Variants in PATJ observed in about 807,000 individuals in gnomAD.
PATJ encodes the protein PATJ crumbs cell polarity complex component, also known as inaD-like protein.
A neutral mutation model predicts 224.9 loss-of-function variants in PATJ; 190 were observed. The observed-to-expected ratio is 0.84, with a 90% confidence interval of 0.75 to 0.95. The LOEUF is 0.95. PATJ is among the 40% of genes least tolerant of loss of function. The pLI is 0.00. For synonymous variants in PATJ, 769 were observed against 820.3 expected, an observed-to-expected ratio of 0.94 and a Z score of 1.07; for missense variants, 2,121 against 2,270.3, an observed-to-expected ratio of 0.93 and a Z score of 1.34.
chr1:62,024,017 G>T (rs1467159330), intron 29 of PATJ, among the ~76,000 whole-genome samples: 1 of 152,202 alleles, frequency 6.6e-6, no homozygotes, highest in Non-Finnish European at 1.5e-5. Flanking sequence ...ATTTGTGTGT[G>T]TTGAACCAGC....
intron 9 of PATJ, among the ~76,000 whole-genome samples, chr1:61,794,370 C>T (rs1650586782): frequency 6.6e-6 from 1 of 151,972 alleles, no homozygotes; most frequent in Non-Finnish European, 1.5e-5. Context: ...GCCTCAAAGT[C>T]CTGGGCTCAG....
chr1:61,936,994 G>A (rs763004798), intron 27 of PATJ, among the ~76,000 whole-genome samples: 23 of 152,036 alleles, frequency 1.5e-4, no homozygotes, highest in Non-Finnish European at 2.8e-4. Flanking sequence ...AATGCAATTC[G>A]GAACATAAAA....
At chr1:61,945,597 C>G (rs1335662173) in intron 27 of PATJ, among the ~76,000 whole-genome samples, 2 of 152,136 alleles carry the variant, frequency 1.3e-5, no homozygotes, top group Non-Finnish European at 2.9e-5. Flanking sequence ...TAGAGACCTA[C>G]AAAGAGACTT....
At chr1:61,954,438 C>A in intron 27 of PATJ, among the ~76,000 whole-genome samples, 1 of 152,064 alleles carries the variant, frequency 6.6e-6, no homozygotes, top group Non-Finnish European at 1.5e-5. Context: ...GCTTTGATTT[C>A]AGTAGTTTTA....
chr1:61,990,110 C>T (rs1644978423), intron 27 of PATJ, 58 bp from the exon 28 acceptor site: 1 of 1,216,654 alleles, frequency 8.2e-7, no homozygotes. Flanking sequence ...GAAATGCTGA[C>T]ATCTCAATAA....
intron 27 of PATJ, among the ~76,000 whole-genome samples, chr1:61,958,389 G>A (rs79114156): frequency 0.1 from 15,159 of 152,058 alleles, 1,025 homozygotes; most frequent in Non-Finnish European, 0.15. Flanking sequence ...AATGGTAGTG[G>A]CAAATACTAA....
intron 29 of PATJ, among the ~76,000 whole-genome samples, chr1:62,023,443 T>C (rs1286721403): frequency 6.6e-6 from 1 of 152,218 alleles, no homozygotes; most frequent in African/African-American, 2.4e-5. Flanking sequence ...CACCTACTTG[T>C]GTTAATGCTG....
chr1:62,154,643 C>A lies in PATJ; in HGVS notation c.5502+1162C>A, dbSNP rs1322427815. Among the ~76,000 whole-genome samples the A allele has an allele frequency of 6.7e-4, 73 of 109,590 alleles. 1 individual carries two copies. Among genetic ancestry groups the A allele is most frequent in the Admixed American group, 3.3e-3 (30 of 9,074 alleles). The allele number at this position is 109,590 out of a possible 152,430, so 71.9% of individuals were successfully genotyped here. On this transcript the variant is annotated intron_variant, in intron 43 of 43. Transcript: ENST00000642238. Reference sequence around the variant, plus strand: ...GCCACTACACTCCAGCCTGGGCAATCCATCTCAAAAAAAAAAAAAAGAAAA... The same window carrying A: ...GCCACTACACTCCAGCCTGGGCAATACATCTCAAAAAAAAAAAAAAGAAAA...
intron 27 of PATJ, among the ~76,000 whole-genome samples, chr1:61,985,518 T>G (rs1216978907): frequency 1.3e-5 from 2 of 152,110 alleles, no homozygotes; most frequent in African/African-American, 2.4e-5. Flanking sequence ...ACATTCACAT[T>G]GTACAACCAT....
At position 61,845,768 on chromosome 1, in the gene PATJ, G is replaced by A. The variant is rs531551478; in HGVS notation, c.2113-10262G>A. ...ATGAAGGGCATCCTGTGACTTTGACGTGGCTGTGTTGTCAGACAATCTCCC... is the reference window on the plus strand; with the variant it reads ...ATGAAGGGCATCCTGTGACTTTGACATGGCTGTGTTGTCAGACAATCTCCC... On this transcript the variant is annotated intron_variant, in intron 17 of 43. Coordinates refer to ENST00000642238, the MANE Select transcript of PATJ (RefSeq NM_001350145.3). Among the ~76,000 whole-genome samples, 16 of 152,262 alleles carry A rather than the reference G, an allele frequency of 1.1e-4. No homozygotes were observed. The East Asian group carries it at 1.5e-3, about 15-fold the overall frequency.
Position 61,766,474 on chromosome 1 carries a change from G to A in PATJ, c.384+1G>A. On this transcript the variant is annotated splice_donor_variant, in intron 4 of 43. Coordinates refer to ENST00000642238, the MANE Select transcript of PATJ (RefSeq NM_001350145.3). LOFTEE classifies it high-confidence loss of function. Reference sequence around the variant, plus strand: ...CTCAGTCATTCAACAGATGGCTCAGGTAAAGTTGTATCTTCTCATGGAAAT... The same window carrying A: ...CTCAGTCATTCAACAGATGGCTCAGATAAAGTTGTATCTTCTCATGGAAAT... 1 of 1,580,950 alleles carries A rather than the reference G, an allele frequency of 6.3e-7. No homozygotes were observed. Among genetic ancestry groups the A allele is most frequent in the Non-Finnish European group, 8.6e-7 (1 of 1,165,400 alleles).
chr1:62,056,635 G>T (rs184669344), intron 31 of PATJ, among the ~76,000 whole-genome samples: 3 of 152,258 alleles, frequency 2.0e-5, no homozygotes, highest in Admixed American at 2.0e-4. Context: ...ACAAAAATTG[G>T]CTGGGCGTGG....
At chr1:62,137,154 T>C (rs1666993206) in intron 41 of PATJ, among the ~76,000 whole-genome samples, 1 of 152,032 alleles carries the variant, frequency 6.6e-6, no homozygotes, top group South Asian at 2.1e-4. Context: ...TATTTCACTG[T>C]AGAACATATA....
intron 7 of PATJ, among the ~76,000 whole-genome samples, chr1:61,782,916 G>A (rs1482963222): frequency 3.9e-5 from 6 of 152,164 alleles, no homozygotes; most frequent in East Asian, 1.9e-4. Flanking sequence ...CAGGTATACC[G>A]GAATACCTCG....
chr1:61,839,900 CATA>C (rs924710088), intron 17 of PATJ, among the ~76,000 whole-genome samples: 1 of 151,820 alleles, frequency 6.6e-6, no homozygotes, highest in Admixed American at 6.6e-5. Flanking sequence ...AAATAGAAAT[CATA>C]ATAACATAGC....
At chr1:62,123,662 A>G (rs1665366959) in intron 39 of PATJ, among the ~76,000 whole-genome samples, 1 of 150,168 alleles carries the variant, frequency 6.7e-6, no homozygotes, top group Non-Finnish European at 1.5e-5. Flanking sequence ...TATTTTTAGT[A>G]GAGACGGGTT....
intron 22 of PATJ, among the ~76,000 whole-genome samples, chr1:61,897,594 G>A (rs559340109): frequency 6.6e-6 from 1 of 152,178 alleles, no homozygotes. Context: ...GAAGGGGAGG[G>A]CATAGAGCAA....
chr1:61,801,978 G>A (rs1318650843), intron 12 of PATJ, among the ~76,000 whole-genome samples: 2 of 144,666 alleles, frequency 1.4e-5, no homozygotes, highest in East Asian at 2.0e-4. Context: ...GGGTACATGT[G>A]CACAACGTGC....
chr1:62,070,439 A>G (rs1657192929), intron 31 of PATJ, among the ~76,000 whole-genome samples: 1 of 152,210 alleles, frequency 6.6e-6, no homozygotes, highest in African/African-American at 2.4e-5. Context: ...TGATTCACTC[A>G]GCACTAACAC....
Sources: gnomAD v4.1 joint callset for allele counts (sites outside exome capture counted in the v4.1 genomes callset) on GRCh38, gnomAD v4.1.1 for gene constraint, MANE v1.5 for transcripts, NCBI Gene and HGNC (gene_info 2026-07-23, HGNC 2026-07-21) for gene names.